PCDHA6: variants seen among roughly 807,000 people sequenced by gnomAD.
The protein encoded by PCDHA6 is protocadherin alpha 6.
PCDHA6 carries 55 observed loss-of-function variants against 60.3 expected under a neutral mutation model. The ratio of observed to expected loss-of-function variants is 0.91; its 90% CI spans 0.73 to 1.14. The LOEUF (loss-of-function observed/expected upper bound fraction) is 1.14. Among genes scored for constraint, PCDHA6 ranks in the 50% most tolerant of loss-of-function variants. The pLI is 0.00. For missense variants in PCDHA6, 1,327 were observed against 1,256.5 expected (o/e 1.06, Z -0.85); for synonymous variants, 652 against 557.9 (o/e 1.17, Z -2.38).
intron 1 of PCDHA6, chr5:140,884,640 A>G: frequency 6.2e-7 from 1 of 1,610,250 alleles, no homozygotes; most frequent in East Asian, 2.2e-5. Context: ...CAGAGGGAGG[A>G]GGACTCAGAA....
rs1237134609 is a variant in PCDHA6 at position 141,011,353 on chromosome 5, A to T, written c.*1416A>T. 6.5e-6 allele frequency: 1 copy of T among 153,692 alleles called. No homozygotes were observed. The highest frequency in any genetic ancestry group is 1.5e-5 in the Non-Finnish European group (1 of 68,032). The allele number at this position is 153,692 out of a possible 1,614,324, so 9.5% of individuals were successfully genotyped here. On this transcript the variant is annotated 3_prime_UTR_variant, in exon 4 of 4. Coordinates refer to ENST00000529310, the MANE Select transcript of PCDHA6 (RefSeq NM_018909.4). ...ATGTTACCTGAAATCAATCTCCCAT[A>T]TGTATGCTGTATGCTATGCTAAGAC...
intron 1 of PCDHA6, chr5:140,856,310 C>T (rs782387382): frequency 5.0e-6 from 8 of 1,598,548 alleles, no homozygotes; most frequent in Non-Finnish European, 6.8e-6. Context: ...TGTGAATTCT[C>T]GGATTGACCG....
chr5:140,833,965 G>GA (rs2150212449), intron 1 of PCDHA6, among the ~76,000 whole-genome samples: 3 of 152,008 alleles, frequency 2.0e-5, no homozygotes, highest in Admixed American at 6.6e-5. Context: ...AAAACTGTGT[G>GA]AAAAAAAAGT....
At chr5:140,943,547 C>T (rs1376489824) in intron 1 of PCDHA6, among the ~76,000 whole-genome samples, 20 of 152,104 alleles carry the variant, frequency 1.3e-4, no homozygotes, top group African/African-American at 4.6e-4. Context: ...TGTAAATAGA[C>T]GTAGACAATA....
At chr5:140,982,816 G>A (rs970352633) in intron 3 of PCDHA6, among the ~76,000 whole-genome samples, 9 of 151,630 alleles carry the variant, frequency 5.9e-5, no homozygotes, top group Non-Finnish European at 1.0e-4. Flanking sequence ...TGTGTATGAA[G>A]TTTTTGGGGT....
intron 1 of PCDHA6, among the ~76,000 whole-genome samples, chr5:140,950,382 A>G (rs1424724989): frequency 3.3e-5 from 5 of 151,950 alleles, no homozygotes; most frequent in African/African-American, 7.2e-5. Context: ...CTTCCATTTG[A>G]ATGATATAGA....
chr5:140,934,235 A>G (rs1202721010), intron 1 of PCDHA6, among the ~76,000 whole-genome samples: 1 of 152,048 alleles, frequency 6.6e-6, no homozygotes, highest in Non-Finnish European at 1.5e-5. Flanking sequence ...TTTGTACTTA[A>G]TTGTGGAGAT....
At chr5:140,841,423 C>A (rs139433967) in intron 1 of PCDHA6, 2 of 1,610,284 alleles carry the variant, frequency 1.2e-6, no homozygotes, top group Admixed American at 3.4e-5. Flanking sequence ...TCCACTACTC[C>A]GTCCCCGAGG....
chr5:140,889,434 G>T (rs1349291699), intron 1 of PCDHA6, among the ~76,000 whole-genome samples: 1 of 151,774 alleles, frequency 6.6e-6, no homozygotes, highest in African/African-American at 2.4e-5. Context: ...ATTTTTTCAG[G>T]TATTTTCCTG....
At position 141,011,460 on chromosome 5, in the gene PCDHA6, T is replaced by G. The variant is rs1285322141; in HGVS notation, c.*1523T>G. 6.5e-6 allele frequency: 1 copy of G among 153,832 alleles called. No homozygotes were observed. The highest frequency in any genetic ancestry group is 2.4e-5 in the African/African-American group (1 of 41,470). 9.5% of individuals were successfully genotyped at this position (153,832 alleles called of 1,614,324 possible). On this transcript the variant is annotated 3_prime_UTR_variant, in exon 4 of 4. Coordinates refer to ENST00000529310, the MANE Select transcript of PCDHA6 (RefSeq NM_018909.4). The stretch of plus-strand genomic sequence containing the variant: ...TAGAGTGAACTTTAAGCTTTATTGT[T>G]GAATGTAATTCCATTATATTTCCTT...
intron 1 of PCDHA6, chr5:140,850,611 G>C (rs1353719119): frequency 6.3e-7 from 1 of 1,598,588 alleles, no homozygotes; most frequent in Non-Finnish European, 8.6e-7. Flanking sequence ...CGCCATCTGC[G>C]CGGTGTCTAG....
chr5:140,993,459 TTC>T lies in PCDHA6; in HGVS notation c.2542+10899_2542+10900del, dbSNP rs202191067. Among the ~76,000 whole-genome samples the T allele has an allele frequency of 6.6e-3, 550 of 83,072 alleles. 5 individuals carry two copies. The highest frequency in any genetic ancestry group is 0.016 in the African/African-American group (346 of 21,866). The allele number at this position is 83,072 out of a possible 152,430, so 54.5% of individuals were successfully genotyped here. ...ATTCATTCCTGTTCTCCTTCTTTCTTTCTCACACACACACACACACACACACA... is the reference window on the plus strand; with the variant it reads ...ATTCATTCCTGTTCTCCTTCTTTCTTTCACACACACACACACACACACACA... On this transcript the variant is annotated intron_variant, in intron 3 of 3. Transcript: ENST00000529310.
intron 1 of PCDHA6, among the ~76,000 whole-genome samples, chr5:140,902,203 C>CTTTTTTTTTT (rs148688132): frequency 8.0e-6 from 1 of 124,460 alleles, no homozygotes; most frequent in Non-Finnish European, 1.7e-5. Flanking sequence ...CTCTCTCTTT[C>CTTTTTTTTTT]TTTTTTTTTT....
At chr5:140,976,011 C>A (rs983997714) in intron 1 of PCDHA6, among the ~76,000 whole-genome samples, 10 of 152,230 alleles carry the variant, frequency 6.6e-5, no homozygotes, top group Admixed American at 1.3e-4. Flanking sequence ...TATTAAAGAA[C>A]TAAATAATCA....
intron 3 of PCDHA6, among the ~76,000 whole-genome samples, chr5:140,992,482 G>A (rs1187706188): frequency 6.6e-6 from 1 of 152,164 alleles, no homozygotes; most frequent in Non-Finnish European, 1.5e-5. Flanking sequence ...TCACCCAGAG[G>A]CCAATCTGTA....
At chr5:140,875,324 C>G in intron 1 of PCDHA6, 2 of 1,426,280 alleles carry the variant, frequency 1.4e-6, no homozygotes, top group Non-Finnish European at 1.8e-6. Flanking sequence ...CAATCATTCA[C>G]GGAATAGGAT....
Position 140,974,586 on chromosome 5 carries a change from A to G in PCDHA6, c.2395-4363A>G, listed in dbSNP as rs150396044. Among the ~76,000 whole-genome samples, 599 of 152,220 alleles carry G rather than the reference A, an allele frequency of 3.9e-3. 3 individuals carry two copies. Among genetic ancestry groups the G allele is most frequent in the African/African-American group, 0.014 (565 of 41,540 alleles). On this transcript the variant is annotated intron_variant, in intron 1 of 3. Transcript: ENST00000529310. The stretch of plus-strand genomic sequence containing the variant: ...GAGTGCAATGGCATGATCTTGGCTC[A>G]CTGCAACCTCTGCCTCCAGGGTTCA...
At chr5:140,993,793 T>C (rs2097582526) in intron 3 of PCDHA6, among the ~76,000 whole-genome samples, 1 of 152,184 alleles carries the variant, frequency 6.6e-6, no homozygotes, top group African/African-American at 2.4e-5. Context: ...TAACATGCTG[T>C]GCAGGTTTGT....
intron 1 of PCDHA6, chr5:140,966,173 A>C (rs2095976741): frequency 5.4e-6 from 1 of 184,728 alleles, no homozygotes; most frequent in Admixed American, 6.2e-5. Context: ...TTTCCTGGGG[A>C]GCTGATAGCC....
Sources: gnomAD v4.1 joint callset for allele counts (sites outside exome capture counted in the v4.1 genomes callset) on GRCh38, gnomAD v4.1.1 for gene constraint, MANE v1.5 for transcripts, NCBI Gene and HGNC (gene_info 2026-07-23, HGNC 2026-07-21) for gene names.